The following PNOC variants were observed in gnomAD, a reference collection of about 807,000 sequenced individuals.
PNOC encodes the protein prepronociceptin.
A neutral mutation model predicts 15.6 loss-of-function variants in PNOC; 10 were observed. The observed-to-expected ratio is 0.64, with a 90% CI of 0.40 to 1.09. The LOEUF (loss-of-function observed/expected upper bound fraction) is 1.09. PNOC is among the 50% of genes least tolerant of loss of function. The pLI, the probability that PNOC is intolerant of heterozygous loss-of-function variation, is 0.01. For synonymous variants in PNOC, 98 were observed against 88.5 expected, an observed-to-expected ratio of 1.11 and a Z score of -0.60; for missense variants, 220 against 223.9, an observed-to-expected ratio of 0.98 and a Z score of 0.11.
At chr8:28,341,199 G>A (rs4732850) in intron 3 of PNOC, among the ~76,000 whole-genome samples, 16,355 of 152,176 alleles carry the variant, frequency 0.11, 1,076 homozygotes, top group East Asian at 0.24. Context: ...GCATGGAGAC[G>A]GCCCCTTTGC....
At chr8:28,329,025 C>A in intron 1 of PNOC, 110 bp from the exon 2 acceptor site, 1 of 1,117,618 alleles carries the variant, frequency 8.9e-7, no homozygotes, top group Non-Finnish European at 1.3e-6. Context: ...TGCCATCCTG[C>A]CAGAGACAGC....
intron 2 of PNOC, among the ~76,000 whole-genome samples, chr8:28,332,076 T>A (rs1335695723): frequency 6.6e-6 from 1 of 152,224 alleles, no homozygotes; most frequent in Non-Finnish European, 1.5e-5. Flanking sequence ...GACAACATTA[T>A]CAGCTCTACT....
chr8:28,335,903 G>T (rs1380014330), intron 2 of PNOC, among the ~76,000 whole-genome samples: 1 of 149,338 alleles, frequency 6.7e-6, no homozygotes, highest in African/African-American at 2.4e-5. Context: ...ACCAGGTGTG[G>T]GCTCTGTCTC....
intron 1 of PNOC, among the ~76,000 whole-genome samples, chr8:28,318,871 G>A (rs1056038245): frequency 6.6e-6 from 1 of 152,252 alleles, no homozygotes; most frequent in African/African-American, 2.4e-5. Context: ...TTTGTAAAAT[G>A]CAGGCGAGTT....
chr8:28,337,538 G>A (rs1338910108), intron 2 of PNOC, among the ~76,000 whole-genome samples: 1 of 149,810 alleles, frequency 6.7e-6, no homozygotes, highest in Non-Finnish European at 1.5e-5. Flanking sequence ...GGCCTCAAGT[G>A]ATCCGCCTGC....
At chr8:28,326,420 G>A (rs764527025) in intron 1 of PNOC, among the ~76,000 whole-genome samples, 1 of 152,030 alleles carries the variant, frequency 6.6e-6, no homozygotes, top group Non-Finnish European at 1.5e-5. Flanking sequence ...TCATCCTCTG[G>A]GTATGAAATG....
At chr8:28,335,210 A>T (rs982087381) in intron 2 of PNOC, among the ~76,000 whole-genome samples, 2 of 152,226 alleles carry the variant, frequency 1.3e-5, no homozygotes, top group Non-Finnish European at 2.9e-5. Flanking sequence ...TCTTGGTCTC[A>T]TAGAATCCTT....
At chr8:28,330,658 C>T (rs554894560) in intron 2 of PNOC, among the ~76,000 whole-genome samples, 76 of 128,384 alleles carry the variant, frequency 5.9e-4, no homozygotes, top group Admixed American at 1.4e-3. Flanking sequence ...GCCTCAGCCT[C>T]CCAAAGTGCT....
chr8:28,330,401 T>TTTTTTTTTTTTTTTTTTA (rs1585833628), intron 2 of PNOC, among the ~76,000 whole-genome samples: 1 of 41,676 alleles, frequency 2.4e-5, no homozygotes, highest in South Asian at 5.2e-4. Flanking sequence ...ATTTTATTTT[T>TTTTTTTTTTTTTTTTTTA]TTTTTTTTTT....
chr8:28,343,204 C>T lies in PNOC; in HGVS notation c.*310C>T. The T allele has an allele frequency of 6.4e-6, 1 of 156,894 alleles. No homozygotes were observed. Among genetic ancestry groups the T allele is most frequent in the Non-Finnish European group, 1.4e-5 (1 of 71,766 alleles). The allele number at this position is 156,894 out of a possible 1,614,324, so 9.7% of individuals were successfully genotyped here. A position where few individuals can be genotyped will look rare whatever the true frequency, so the allele number is the denominator to read the frequency against. On this transcript the variant is annotated 3_prime_UTR_variant, in exon 4 of 4. Transcript: ENST00000301908. ...TCTCCTGCTCACCCGCCTCTTGCCC[C>T]TTCTAGGGGCAGGTGAAAGGAATAG...
intron 1 of PNOC, 24 bp from the exon 2 acceptor site, chr8:28,329,111 T>C: frequency 6.2e-7 from 1 of 1,609,764 alleles, no homozygotes; most frequent in Non-Finnish European, 8.5e-7. Flanking sequence ...CTGTACTCAT[T>C]GCCATGCTTC....
At chr8:28,320,062 T>C (rs1236147432) in intron 1 of PNOC, among the ~76,000 whole-genome samples, 1 of 150,742 alleles carries the variant, frequency 6.6e-6, no homozygotes, top group Non-Finnish European at 1.5e-5. Context: ...CTGTGGGGTT[T>C]TTTTTGTTTG....
intron 2 of PNOC, among the ~76,000 whole-genome samples, chr8:28,333,238 C>T (rs1048935255): frequency 3.9e-5 from 6 of 152,274 alleles, no homozygotes; most frequent in African/African-American, 1.4e-4. Flanking sequence ...GGTTCATATG[C>T]CTGTTTCCCA....
chr8:28,335,651 C>T (rs1251137659), intron 2 of PNOC, among the ~76,000 whole-genome samples: 1 of 152,094 alleles, frequency 6.6e-6, no homozygotes, highest in African/African-American at 2.4e-5. Context: ...CCTCAGCCTC[C>T]TGAGTAGCTG....
intron 1 of PNOC, among the ~76,000 whole-genome samples, chr8:28,318,534 C>T (rs1330432067): frequency 2.0e-5 from 3 of 152,228 alleles, no homozygotes; most frequent in African/African-American, 7.2e-5. Flanking sequence ...TGCTCTTTTT[C>T]GCTGCTTGTG....
chr8:28,317,646 G>T (rs769101392), intron 1 of PNOC, among the ~76,000 whole-genome samples: 2 of 152,140 alleles, frequency 1.3e-5, no homozygotes, highest in Non-Finnish European at 2.9e-5. Flanking sequence ...GCTGCTGGAG[G>T]AGTGAGGCCA....
intron 3 of PNOC, among the ~76,000 whole-genome samples, chr8:28,340,729 C>A (rs1275487832): frequency 6.6e-6 from 1 of 152,174 alleles, no homozygotes; most frequent in Non-Finnish European, 1.5e-5. Context: ...CCTCGGGGAG[C>A]TTTTACTCAT....
intron 2 of PNOC, 102 bp from the exon 3 acceptor site, chr8:28,338,938 C>CTTCT: frequency 8.4e-7 from 1 of 1,186,250 alleles, no homozygotes; most frequent in Non-Finnish European, 1.2e-6. Flanking sequence ...TTAGATGCTT[C>CTTCT]AGAAGCACTT....
Position 28,342,354 on chromosome 8 carries a change from C to CAA in PNOC, c.*48-567_*48-566dup, listed in dbSNP as rs34315819. On this transcript the variant is annotated intron_variant, in intron 3 of 3. Transcript: ENST00000301908. Reference sequence around the variant, plus strand: ...GGGCAACAAGAAAGAAACCCCATCTCAAAAAAAAAAAAAAAAAAAAAAGAA... The same window carrying CAA: ...GGGCAACAAGAAAGAAACCCCATCTCAAAAAAAAAAAAAAAAAAAAAAAAGAA... 7.6e-3 allele frequency among the ~76,000 whole-genome samples: 648 copies of CAA among 85,070 alleles called. 11 individuals are homozygous for CAA. Among genetic ancestry groups the CAA allele is most frequent in the African/African-American group, 0.026 (601 of 23,318 alleles). 55.8% of individuals were successfully genotyped at this position (85,070 alleles called of 152,430 possible).
Sources: allele counts gnomAD v4.1 joint callset (sites outside exome capture counted in the v4.1 genomes callset), GRCh38; gene constraint gnomAD v4.1.1; transcripts MANE v1.5; gene names NCBI Gene and HGNC (gene_info 2026-07-23, HGNC 2026-07-21).